Variants in AUTS2 observed in about 807,000 individuals in gnomAD.
AUTS2 encodes autism susceptibility gene 2 protein.
Under a neutral mutation model 112.4 loss-of-function variants are expected in AUTS2, and 17 were observed. The observed-to-expected ratio is 0.15, with a 90% CI of 0.10 to 0.23. The LOEUF (loss-of-function observed/expected upper bound fraction) is 0.23. Among genes scored for constraint, AUTS2 ranks in the 10% least tolerant of loss-of-function variants. The probability of loss-of-function intolerance (pLI) is 1.00; values close to 1 mark genes in which losing one functional copy is unlikely to be tolerated. For missense variants in AUTS2, 1,510 were observed against 1,701.6 expected (o/e 0.89, Z 1.98); for synonymous variants, 751 against 702.7 (o/e 1.07, Z -1.09).
chr7:70,239,205 A>G (rs1003326707), intron 4 of AUTS2, among the ~76,000 whole-genome samples: 8 of 152,220 alleles, frequency 5.3e-5, no homozygotes, highest in African/African-American at 1.7e-4. Flanking sequence ...CCTCCCCAGT[A>G]TCTTCTCCAG....
At chr7:69,644,294 T>C (rs1794923394) in intron 1 of AUTS2, among the ~76,000 whole-genome samples, 1 of 151,984 alleles carries the variant, frequency 6.6e-6, no homozygotes, top group Non-Finnish European at 1.5e-5. Context: ...TTTGCTGAGC[T>C]TTGGTCATAA....
At chr7:70,064,139 A>T (rs531342926) in intron 2 of AUTS2, among the ~76,000 whole-genome samples, 19 of 152,154 alleles carry the variant, frequency 1.2e-4, no homozygotes, top group African/African-American at 4.3e-4. Flanking sequence ...TTCGCAGGCC[A>T]CTCTTTATCC....
At chr7:70,750,852 T>C (rs1314984425) in intron 6 of AUTS2, among the ~76,000 whole-genome samples, 2 of 152,234 alleles carry the variant, frequency 1.3e-5, no homozygotes, top group Admixed American at 1.3e-4. Flanking sequence ...GGACAGTATG[T>C]AAGTCGGTCT....
rs181608069 is a variant in AUTS2, at chr7:70,010,735, T to G, written c.523-107397T>G. Among the ~76,000 whole-genome samples, 1,315 of 152,346 alleles carry G rather than the reference T, an allele frequency of 8.6e-3. 12 individuals carry two copies. The highest frequency in any genetic ancestry group is 0.027 in the Middle Eastern group (8 of 294). On this transcript the variant is annotated intron_variant, in intron 2 of 18. Transcript: ENST00000342771. ...GTTTGTTATGCATCACACAAGTTTT[T>G]GGGTTGTTTCAATCTAAAGATCTGA...
intron 3 of AUTS2, among the ~76,000 whole-genome samples, chr7:70,121,187 A>G: frequency 6.6e-6 from 1 of 152,206 alleles, no homozygotes; most frequent in Non-Finnish European, 1.5e-5. Context: ...CACTATGTAC[A>G]AAAATAAACT....
At chr7:70,618,409 G>A (rs1237109689) in intron 5 of AUTS2, among the ~76,000 whole-genome samples, 4 of 152,242 alleles carry the variant, frequency 2.6e-5, no homozygotes, top group East Asian at 3.9e-4. Context: ...TGGAGGGCTC[G>A]GCCTGTTGGG....
At chr7:70,364,098 TTGA>T (rs1792420078) in intron 4 of AUTS2, among the ~76,000 whole-genome samples, 1 of 152,196 alleles carries the variant, frequency 6.6e-6, no homozygotes, top group African/African-American at 2.4e-5. Flanking sequence ...CATGGCCAAG[TTGA>T]TGGTGATCAT....
Position 70,118,245 on chromosome 7 carries a change from TA to T in AUTS2, c.624+34del, listed in dbSNP as rs11418386. ...AAAGGCTCAGTGATGTAAGTTTAAG[TA>T]AAAAAAAAAAAAAAAAAAAAATTAA... On this transcript the variant is annotated intron_variant, in intron 3 of 18. Coordinates refer to ENST00000342771, the MANE Select transcript of AUTS2 (RefSeq NM_015570.4). The T allele has an allele frequency of 0.19, 237,281 of 1,270,098 alleles. 5 individuals are homozygous for T. Among genetic ancestry groups the T allele is most frequent in the Non-Finnish European group, 0.19 (191,225 of 985,750 alleles). The allele number at this position is 1,270,098 out of a possible 1,614,324, so 78.7% of individuals were successfully genotyped here.
chr7:70,787,125 T>TA, intron 17 of AUTS2, 84 bp from the exon 18 acceptor site: 4 of 1,317,570 alleles, frequency 3.0e-6, no homozygotes, highest in Non-Finnish European at 4.3e-6. Context: ...TGAATGCTGT[T>TA]AAAAGTTTTT....
chr7:70,161,188 A>G (rs1408919756), intron 4 of AUTS2, among the ~76,000 whole-genome samples: 1 of 152,120 alleles, frequency 6.6e-6, no homozygotes, highest in East Asian at 1.9e-4. Flanking sequence ...CAGGAGTAAA[A>G]TCAAGCATCT....
chr7:69,877,976 T>G (rs1793878271), intron 1 of AUTS2, among the ~76,000 whole-genome samples: 1 of 152,034 alleles, frequency 6.6e-6, no homozygotes, highest in Non-Finnish European at 1.5e-5. Context: ...GAGCCATGGA[T>G]CTTCCTAGGA....
chr7:70,564,377 CATAAAAAT>C (rs1365622198), intron 5 of AUTS2, among the ~76,000 whole-genome samples: 1 of 152,170 alleles, frequency 6.6e-6, no homozygotes, highest in Non-Finnish European at 1.5e-5. Flanking sequence ...ATACCCAGCA[CATAAAAAT>C]ATATCTGCAC....
At chr7:70,552,758 AATC>A (rs1386217719) in intron 5 of AUTS2, among the ~76,000 whole-genome samples, 1 of 152,156 alleles carries the variant, frequency 6.6e-6, no homozygotes, top group East Asian at 1.9e-4. Flanking sequence ...AGATCCCCCA[AATC>A]TGAAGCAGTA....
intron 1 of AUTS2, among the ~76,000 whole-genome samples, chr7:69,602,040 ATGTGTGTG>A (rs6150156): frequency 0.03 from 1,361 of 45,468 alleles, 7 homozygotes; most frequent in Non-Finnish European, 0.044. Context: ...ATATATATAT[ATGTGTGTG>A]TGTGTGTGTG....
At chr7:70,604,376 G>A (rs1290789930) in intron 5 of AUTS2, among the ~76,000 whole-genome samples, 1 of 152,166 alleles carries the variant, frequency 6.6e-6, no homozygotes, top group Non-Finnish European at 1.5e-5. Context: ...GCCTTACCTA[G>A]CTGCTCTTTT....
chr7:69,830,397 TAAGTTAAA>T (rs957062431), intron 1 of AUTS2, among the ~76,000 whole-genome samples: 1 of 152,204 alleles, frequency 6.6e-6, no homozygotes, highest in Non-Finnish European at 1.5e-5. Context: ...CCTGGAACTT[TAAGTTAAA>T]AAATAAGTAA....
chr7:69,712,376 A>G (rs773946092), intron 1 of AUTS2, among the ~76,000 whole-genome samples: 1 of 152,144 alleles, frequency 6.6e-6, no homozygotes, highest in Admixed American at 6.6e-5. Flanking sequence ...ACTTACTTCT[A>G]CTTCTCTTCT....
rs139826996 is a variant in AUTS2 at position 69,825,581 on chromosome 7, T to G, written c.310-73705T>G. ...TTTGGAGGGTAACAAGTGTGTCTTT[T>G]GTATCTCTGAATCCTCTGCAGCCAG... On this transcript the variant is annotated intron_variant, in intron 1 of 18. Transcript: ENST00000342771. Among the ~76,000 whole-genome samples the G allele has an allele frequency of 6.1e-3, 932 of 152,242 alleles. 7 individuals carry two copies. The highest frequency in any genetic ancestry group is 0.021 in the African/African-American group (872 of 41,518).
At chr7:70,593,641 T>A (rs1803056198) in intron 5 of AUTS2, among the ~76,000 whole-genome samples, 1 of 152,218 alleles carries the variant, frequency 6.6e-6, no homozygotes, top group Non-Finnish European at 1.5e-5. Flanking sequence ...AAGCCCTATA[T>A]ATTTATAGTG....
Sources: gnomAD v4.1 joint callset for allele counts (sites outside exome capture counted in the v4.1 genomes callset) on GRCh38, gnomAD v4.1.1 for gene constraint, MANE v1.5 for transcripts, NCBI Gene and HGNC (gene_info 2026-07-23, HGNC 2026-07-21) for gene names.